SLC9B1: variants seen among roughly 807,000 people sequenced by gnomAD.
SLC9B1 encodes sodium/hydrogen exchanger 9B1.
SLC9B1 carries 32 observed loss-of-function variants against 51.7 expected under a neutral mutation model. That is an observed-to-expected ratio of 0.62 (90% confidence interval 0.47 to 0.83). The LOEUF (loss-of-function observed/expected upper bound fraction) is 0.83. SLC9B1 is among the 40% of genes least tolerant of loss of function. The pLI is 0.00. For missense variants in SLC9B1, 406 were observed against 613.2 expected, an observed-to-expected ratio of 0.66 and a Z score of 3.57; for synonymous variants, 145 against 212.7, an observed-to-expected ratio of 0.68 and a Z score of 2.77.
intron 7 of SLC9B1, among the ~76,000 whole-genome samples, chr4:102,918,332 C>G (rs1390727693): frequency 1.3e-5 from 2 of 151,970 alleles, no homozygotes; most frequent in African/African-American, 4.8e-5. Flanking sequence ...TAGTAACATG[C>G]AAGTTACCAA....
chr4:102,991,748 A>G (rs968442998), intron 1 of SLC9B1, 36 bp from the exon 2 acceptor site: 3 of 1,404,642 alleles, frequency 2.1e-6, no homozygotes, highest in Non-Finnish European at 2.9e-6. Flanking sequence ...AAAAGAAGAA[A>G]CAAGACTATA....
chr4:102,927,683 T>C (rs766553275), intron 7 of SLC9B1, among the ~76,000 whole-genome samples: 3 of 152,208 alleles, frequency 2.0e-5, no homozygotes, highest in Non-Finnish European at 2.9e-5. Context: ...CTCGAGGATA[T>C]AGAACTAGAA....
exon 12 of SLC9B1, chr4:102,885,132 A>T: frequency 9.2e-7 from 1 of 1,090,560 alleles, no homozygotes; most frequent in Non-Finnish European, 1.4e-6. Context: ...AGTAACAAAG[A>T]ATAAGCTCAA....
chr4:102,967,932 A>G (rs1738517966), intron 3 of SLC9B1, among the ~76,000 whole-genome samples: 1 of 152,254 alleles, frequency 6.6e-6, no homozygotes, highest in Admixed American at 6.5e-5. Context: ...TTAGATGTCA[A>G]TTGATCTACA....
chr4:102,892,696 T>A (rs1321193048), intron 11 of SLC9B1: 2 of 152,232 alleles, frequency 1.3e-5, no homozygotes, highest in Non-Finnish European at 2.9e-5. Context: ...TGATCTCTAT[T>A]ATAAGGCTGT....
At chr4:103,016,421 G>A (rs1386072155) in intron 1 of SLC9B1, among the ~76,000 whole-genome samples, 1 of 151,994 alleles carries the variant, frequency 6.6e-6, no homozygotes, top group African/African-American at 2.4e-5. Flanking sequence ...AACATCTTGA[G>A]ATGTCTATAG....
intron 11 of SLC9B1, among the ~76,000 whole-genome samples, chr4:102,895,876 A>G (rs2110415415): frequency 6.6e-6 from 1 of 152,384 alleles, no homozygotes; most frequent in East Asian, 1.9e-4. Context: ...AAATGAGACA[A>G]GGATGGCCTC....
intron 3 of SLC9B1, among the ~76,000 whole-genome samples, chr4:102,984,783 C>G (rs1373954331): frequency 6.6e-6 from 1 of 152,154 alleles, no homozygotes; most frequent in Admixed American, 6.6e-5. Context: ...TTCGGATAGA[C>G]AGGTGTTAAA....
At chr4:102,919,847 C>G (rs966899668) in intron 7 of SLC9B1, among the ~76,000 whole-genome samples, 1 of 152,198 alleles carries the variant, frequency 6.6e-6, no homozygotes, top group African/African-American at 2.4e-5. Context: ...GGCAGCCTGG[C>G]TGGGGGAGGG....
At chr4:102,988,179 A>G (rs1200750973) in intron 3 of SLC9B1, among the ~76,000 whole-genome samples, 1 of 152,182 alleles carries the variant, frequency 6.6e-6, no homozygotes, top group Non-Finnish European at 1.5e-5. Flanking sequence ...ATAAAAATAT[A>G]TTAGCATTTT....
At chr4:103,010,998 C>T (rs1255261127) in intron 1 of SLC9B1, among the ~76,000 whole-genome samples, 1 of 152,174 alleles carries the variant, frequency 6.6e-6, no homozygotes, top group Non-Finnish European at 1.5e-5. Flanking sequence ...CCGATACCAA[C>T]TCAAAAGTCC....
At chr4:102,886,928 G>A (rs978757027) in intron 11 of SLC9B1, among the ~76,000 whole-genome samples, 5 of 152,110 alleles carry the variant, frequency 3.3e-5, no homozygotes, top group Non-Finnish European at 7.4e-5. Flanking sequence ...ATATATTTTT[G>A]TTTTCAAAAA....
At chr4:103,017,276 C>T (rs1420592576) in intron 1 of SLC9B1, among the ~76,000 whole-genome samples, 1 of 152,176 alleles carries the variant, frequency 6.6e-6, no homozygotes, top group Non-Finnish European at 1.5e-5. Flanking sequence ...TTATCTTCTG[C>T]TATAGATCTT....
chr4:102,923,758 C>A (rs1342018721), intron 7 of SLC9B1, among the ~76,000 whole-genome samples: 1 of 152,010 alleles, frequency 6.6e-6, no homozygotes, highest in Non-Finnish European at 1.5e-5. Flanking sequence ...CATTCTTATA[C>A]ACCAATAACA....
At chr4:102,972,622 G>A (rs750419855) in intron 3 of SLC9B1, among the ~76,000 whole-genome samples, 18 of 152,186 alleles carry the variant, frequency 1.2e-4, no homozygotes, top group Non-Finnish European at 1.8e-4. Context: ...GGGTAGGTGG[G>A]AGGGAGGATT....
chr4:102,992,460 G>A (rs1360577242), intron 1 of SLC9B1, among the ~76,000 whole-genome samples: 1 of 152,046 alleles, frequency 6.6e-6, no homozygotes, highest in Non-Finnish European at 1.5e-5. Flanking sequence ...AGTGCTTCAA[G>A]TATCTATACT....
chr4:102,885,075 AT>A, exon 12 of SLC9B1: 1 of 716,594 alleles, frequency 1.4e-6, no homozygotes, highest in Non-Finnish European at 2.5e-6. Flanking sequence ...TTATTGTGTT[AT>A]TTATTCACAG....
chr4:102,947,413 T>C (rs564536822), intron 4 of SLC9B1, among the ~76,000 whole-genome samples: 3 of 152,326 alleles, frequency 2.0e-5, no homozygotes, highest in South Asian at 4.1e-4. Flanking sequence ...TCTCATTCTG[T>C]TGTCCAAGGT....
At chr4:102,911,232 A>T (rs113633990) in intron 8 of SLC9B1, among the ~76,000 whole-genome samples, 199 bp downstream of exon 8, 3 of 152,352 alleles carry the variant, frequency 2.0e-5, no homozygotes, top group African/African-American at 7.2e-5. Context: ...TATTTGCCAA[A>T]TTAAGAAGCA....
Sources: gnomAD v4.1 joint callset for allele counts (sites outside exome capture counted in the v4.1 genomes callset) on GRCh38, gnomAD v4.1.1 for gene constraint, MANE v1.5 for transcripts, NCBI Gene and HGNC (gene_info 2026-07-23, HGNC 2026-07-21) for gene names.